Variants in METTL15 observed in about 807,000 individuals in gnomAD.
The protein encoded by METTL15 is 12S rRNA N(4)-cytidine methyltransferase METTL15.
Under a neutral mutation model 38.3 loss-of-function variants are expected in METTL15, and 34 were observed. The ratio of observed to expected loss-of-function variants is 0.89; its 90% confidence interval spans 0.68 to 1.18. METTL15 has a LOEUF of 1.18. Among genes scored for constraint, METTL15 ranks in the 50% most tolerant of loss-of-function variants. The pLI is 0.00. For missense variants in METTL15, 438 were observed against 498.4 expected (o/e 0.88, Z 1.15); for synonymous variants, 162 against 170.9 (o/e 0.95, Z 0.41).
At chr11:28,294,658 G>A (rs2133997608) in intron 5 of METTL15, among the ~76,000 whole-genome samples, 1 of 152,172 alleles carries the variant, frequency 6.6e-6, no homozygotes, top group African/African-American at 2.4e-5. Context: ...AACTCTGGAG[G>A]ACTGACAAGA....
At chr11:28,399,653 G>A (rs1012636998) in intron 5 of METTL15, among the ~76,000 whole-genome samples, 5 of 122,146 alleles carry the variant, frequency 4.1e-5, no homozygotes, top group South Asian at 2.5e-4. Flanking sequence ...ACATTCATTC[G>A]TTACATGCCT....
chr11:28,432,356 A>G (rs528957439), intron 6 of METTL15, among the ~76,000 whole-genome samples: 1 of 152,342 alleles, frequency 6.6e-6, no homozygotes, highest in African/African-American at 2.4e-5. Context: ...ATCAATAATT[A>G]TGGCTGTAAT....
intron 6 of METTL15, among the ~76,000 whole-genome samples, chr11:28,431,030 G>A: frequency 1.8e-5 from 1 of 55,028 alleles, no homozygotes; most frequent in Non-Finnish European, 4.6e-5. Flanking sequence ...GAGGGAGGTG[G>A]GGGGGTCAGC....
intron 3 of METTL15, among the ~76,000 whole-genome samples, chr11:28,166,670 C>T (rs1247322368): frequency 6.6e-6 from 1 of 152,142 alleles, no homozygotes; most frequent in Non-Finnish European, 1.5e-5. Context: ...CTGAAACTGG[C>T]CAGGCATAGT....
intron 5 of METTL15, among the ~76,000 whole-genome samples, chr11:28,393,522 G>T (rs1850534393): frequency 6.6e-6 from 1 of 152,066 alleles, no homozygotes. Flanking sequence ...CAGCTGGCTG[G>T]ACGATCTAGC....
At chr11:28,442,438 A>G (rs1851042615) in intron 6 of METTL15, among the ~76,000 whole-genome samples, 1 of 151,996 alleles carries the variant, frequency 6.6e-6, no homozygotes, top group Admixed American at 6.6e-5. Flanking sequence ...TCATTAGCTC[A>G]TGGCATTATC....
intron 3 of METTL15, among the ~76,000 whole-genome samples, chr11:28,135,340 G>C (rs1849480280): frequency 6.6e-6 from 1 of 152,152 alleles, no homozygotes; most frequent in Admixed American, 6.5e-5. Flanking sequence ...AGGAATCTCA[G>C]ATAAGACCTT....
At chr11:28,278,621 C>G (rs1171173806) in intron 4 of METTL15, among the ~76,000 whole-genome samples, 2 of 152,136 alleles carry the variant, frequency 1.3e-5, no homozygotes, top group Non-Finnish European at 2.9e-5. Context: ...CTAAGTCTTA[C>G]TATTCTAAGG....
At chr11:28,181,212 T>C (rs1851270109) in intron 3 of METTL15, among the ~76,000 whole-genome samples, 1 of 151,458 alleles carries the variant, frequency 6.6e-6, no homozygotes, top group African/African-American at 2.4e-5. Flanking sequence ...TAAGTAATTT[T>C]TTGCTAATAC....
rs998198198 is a variant in METTL15, at chr11:28,333,308, T to C, written c.*2467T>C. ...TTTTCATGTAAAAATAAATTAACTT[T>C]TCTGTAATTAGATTGTGTTTTATAG... On this transcript the variant is annotated 3_prime_UTR_variant, in exon 7 of 7. Coordinates refer to ENST00000407364, the MANE Select transcript of METTL15 (RefSeq NM_001113528.2). 4 of 152,182 alleles carry C rather than the reference T, an allele frequency of 2.6e-5. No homozygotes were observed. Among genetic ancestry groups the C allele is most frequent in the Admixed American group, 2.0e-4 (3 of 15,274 alleles). The allele number at this position is 152,182 out of a possible 1,614,324, so 9.4% of individuals were successfully genotyped here.
Position 28,193,479 on chromosome 11 carries a change from G to A in METTL15, c.271-17583G>A, listed in dbSNP as rs368120982. ...CTTATCATGAGAACATCACTAGGGG[G>A]ATGGTACTAAACCATTAGAAACCAC... is the stretch of plus-strand genomic sequence containing the variant. On this transcript the variant is annotated intron_variant, in intron 3 of 6. Coordinates refer to ENST00000407364, the MANE Select transcript of METTL15 (RefSeq NM_001113528.2). Among the ~76,000 whole-genome samples the A allele has an allele frequency of 7.9e-5, 12 of 152,110 alleles. No homozygotes were observed. The South Asian group carries it at 1.9e-3, about 24-fold the overall frequency.
intron 6 of METTL15, among the ~76,000 whole-genome samples, chr11:28,309,768 G>A (rs1039245956): frequency 6.6e-6 from 1 of 151,948 alleles, no homozygotes; most frequent in Non-Finnish European, 1.5e-5. Context: ...CTAGTCTCTG[G>A]GATGGAAACT....
intron 4 of METTL15, among the ~76,000 whole-genome samples, chr11:28,238,472 C>T (rs765393508): frequency 1.8e-4 from 28 of 152,312 alleles, no homozygotes; most frequent in Non-Finnish European, 2.6e-4. Context: ...GCGCAGTATT[C>T]GGGTGGGAAT....
intron 3 of METTL15, among the ~76,000 whole-genome samples, chr11:28,347,556 C>T (rs184784309): frequency 6.6e-6 from 1 of 152,300 alleles, no homozygotes; most frequent in East Asian, 1.9e-4. Flanking sequence ...ACTAACCCAT[C>T]AACGCTAATG....
At chr11:28,397,490 G>T (rs1850584018) in intron 5 of METTL15, among the ~76,000 whole-genome samples, 1 of 152,120 alleles carries the variant, frequency 6.6e-6, no homozygotes. Context: ...ATGAAAAAAT[G>T]CTCATCATCA....
chr11:28,396,236 C>A (rs1850567314), intron 5 of METTL15, among the ~76,000 whole-genome samples: 1 of 152,122 alleles, frequency 6.6e-6, no homozygotes, highest in African/African-American at 2.4e-5. Flanking sequence ...GTTGGAAGTT[C>A]TGACCAGGGC....
At chr11:28,270,213 G>A (rs757172826) in intron 4 of METTL15, among the ~76,000 whole-genome samples, 2 of 151,800 alleles carry the variant, frequency 1.3e-5, no homozygotes, top group Admixed American at 6.6e-5. Context: ...ATTATTTCCC[G>A]TGTTGGCATT....
At chr11:28,461,769 A>C (rs1049860548) in intron 6 of METTL15, among the ~76,000 whole-genome samples, 2 of 152,076 alleles carry the variant, frequency 1.3e-5, no homozygotes, top group African/African-American at 2.4e-5. Context: ...AGTACAAGAG[A>C]AGATTTGTGA....
At chr11:28,410,594 A>G (rs1850716201) in intron 5 of METTL15, 1 of 152,118 alleles carries the variant, frequency 6.6e-6, no homozygotes, top group African/African-American at 2.4e-5. Context: ...ATGAAAACTC[A>G]ACAGTTTAGG....
Sources: allele counts gnomAD v4.1 joint callset (sites outside exome capture counted in the v4.1 genomes callset), GRCh38; gene constraint gnomAD v4.1.1; transcripts MANE v1.5; gene names NCBI Gene and HGNC (gene_info 2026-07-23, HGNC 2026-07-21).